The following C5orf34 variants were observed in gnomAD, a reference collection of about 807,000 sequenced individuals.
C5orf34 encodes chromosome 5 open reading frame 34, also known as uncharacterized protein C5orf34.
C5orf34 carries 73 observed loss-of-function variants against 78.4 expected under a neutral mutation model. The ratio of observed to expected loss-of-function variants is 0.93; its 90% CI spans 0.77 to 1.13. The LOEUF is 1.13. C5orf34 is among the 50% of genes most tolerant of loss of function. The probability of loss-of-function intolerance (pLI) is 0.00; values close to 1 mark genes in which losing one functional copy is unlikely to be tolerated. For missense variants in C5orf34, 730 were observed against 732.7 expected, an observed-to-expected ratio of 1.00 and a Z score of 0.04; for synonymous variants, 251 against 246.6, an observed-to-expected ratio of 1.02 and a Z score of -0.17.
intron 2 of C5orf34, 139 bp from the exon 3 acceptor site, chr5:43,508,805 T>C (rs937038516): frequency 1.5e-6 from 1 of 660,254 alleles, no homozygotes; most frequent in Non-Finnish European, 2.6e-6. Flanking sequence ...ATTCAAAGAG[T>C]AGTTTTGGCC....
chr5:43,487,978 C>A (rs770731486), intron 11 of C5orf34, 29 bp from the exon 12 acceptor site: 1 of 1,573,642 alleles, frequency 6.4e-7, no homozygotes, highest in Admixed American at 1.8e-5. Context: ...AAAATTCATT[C>A]AGTTGTCTGA....
intron 4 of C5orf34, 52 bp from the exon 5 acceptor site, chr5:43,503,812 CT>C: frequency 8.4e-7 from 1 of 1,191,944 alleles, no homozygotes; most frequent in Non-Finnish European, 1.2e-6. Flanking sequence ...ATATAATTGT[CT>C]TTAGAAGTCA....
At position 43,486,878 on chromosome 5, in the gene C5orf34, C is replaced by T. The variant is rs147780634; in HGVS notation, c.*37G>A. On this transcript the variant is annotated 3_prime_UTR_variant, in exon 13 of 13. Coordinates refer to ENST00000306862, the MANE Select transcript of C5orf34 (RefSeq NM_198566.4). ...TATACCAGTCACTTGAAACAACATCCTTAAACTTTAATAATATGTTGTAAT... is the reference window on the plus strand; with the variant it reads ...TATACCAGTCACTTGAAACAACATCTTTAAACTTTAATAATATGTTGTAAT... 299 of 1,317,466 alleles carry T rather than the reference C, an allele frequency of 2.3e-4. No homozygotes were observed. In the East Asian group the frequency reaches 6.6e-3, roughly 29 times the overall value. 81.6% of individuals were successfully genotyped at this position (1,317,466 alleles called of 1,614,324 possible). A position where few individuals can be genotyped will look rare whatever the true frequency, so the allele number is the denominator to read the frequency against.
intron 6 of C5orf34, chr5:43,496,332 T>A (rs1379818333): frequency 1.2e-5 from 19 of 1,588,484 alleles, no homozygotes; most frequent in South Asian, 6.6e-5. Flanking sequence ...CCTTCTCAAA[T>A]TTTTCAATGG....
intron 6 of C5orf34, among the ~76,000 whole-genome samples, chr5:43,496,843 T>G (rs550149031): frequency 6.6e-6 from 1 of 152,232 alleles, no homozygotes; most frequent in Non-Finnish European, 1.5e-5. Flanking sequence ...GTGCTGAGAT[T>G]ACAGGCATGA....
At position 43,486,857 on chromosome 5, in the gene C5orf34, C is replaced by G; in HGVS notation, c.*58G>C. 2 of 1,068,346 alleles carry G rather than the reference C, an allele frequency of 1.9e-6. No individual in the cohort carries two copies. Among genetic ancestry groups the G allele is most frequent in the Non-Finnish European group, 2.6e-6 (2 of 773,996 alleles). 66.2% of individuals were successfully genotyped at this position (1,068,346 alleles called of 1,614,324 possible). A position where few individuals can be genotyped will look rare whatever the true frequency, so the allele number is the denominator to read the frequency against. On this transcript the variant is annotated 3_prime_UTR_variant, in exon 13 of 13. Coordinates refer to ENST00000306862, the MANE Select transcript of C5orf34 (RefSeq NM_198566.4). ...ATCTTGGCTTACTAGTAATTTTATACCAGTCACTTGAAACAACATCCTTAA... is the reference window on the plus strand; with the variant it reads ...ATCTTGGCTTACTAGTAATTTTATAGCAGTCACTTGAAACAACATCCTTAA...
At position 43,505,915 on chromosome 5, in the gene C5orf34, C is replaced by CA; in HGVS notation, c.764dup (p.Leu255PhefsTer9). 1 of 1,614,062 alleles carries CA rather than the reference C, an allele frequency of 6.2e-7. No individual in the cohort carries two copies. The highest frequency in any genetic ancestry group is 8.5e-7 in the Non-Finnish European group (1 of 1,179,928). The stretch of plus-strand genomic sequence containing the variant: ...TATTATGAAAATGAAGTGCTAAAGA[C>CA]AAAGGATATTTCCATTCCTCTGGAC... On this transcript the variant is annotated frameshift_variant, in exon 4 of 13. Transcript: ENST00000306862. LOFTEE classifies it high-confidence loss of function.
rs781642503 is a variant in C5orf34 at position 43,487,908 on chromosome 5, C to T, written c.1720+1G>A. 1 of 1,602,016 alleles carries T rather than the reference C, an allele frequency of 6.2e-7. No homozygotes were observed. Among genetic ancestry groups the T allele is most frequent in the Non-Finnish European group, 8.5e-7 (1 of 1,171,552 alleles). On this transcript the variant is annotated splice_donor_variant, in intron 12 of 12. Transcript: ENST00000306862. LOFTEE classifies it high-confidence loss of function. ...GACAGTGCATTCTGTTTAAAGGATA[C>T]AGTTAAACTTCTGTATCTTTTCAAG...
chr5:43,500,194 T>C (rs1256603065), intron 6 of C5orf34, among the ~76,000 whole-genome samples: 2 of 152,252 alleles, frequency 1.3e-5, no homozygotes, highest in African/African-American at 2.4e-5. Flanking sequence ...ATTTCCCTGA[T>C]GCAAGTAGTA....
chr5:43,501,007 G>T (rs1428808378), intron 6 of C5orf34, among the ~76,000 whole-genome samples: 1 of 152,202 alleles, frequency 6.6e-6, no homozygotes, highest in Non-Finnish European at 1.5e-5. Context: ...TGCACACAAA[G>T]GTTGGAGAGT....
Position 43,492,766 on chromosome 5 carries a change from G to A in C5orf34, c.1439C>T (p.Thr480Ile), listed in dbSNP as rs1366278535. The A allele has an allele frequency of 1.9e-6, 3 of 1,613,224 alleles. No individual in the cohort carries two copies. Among genetic ancestry groups the A allele is most frequent in the Admixed American group, 3.3e-5 (2 of 59,964 alleles). ...KVHAIFLDGI[T>I]LTLNWNFSSP... ...GCTGAAATTCCAATTTAGGGTTAGAGTAATGCCATCTAAAAAGATAGCATG... is the reference window on the plus strand; with the variant it reads ...GCTGAAATTCCAATTTAGGGTTAGAATAATGCCATCTAAAAAGATAGCATG... Residue 480 changes from threonine (T) to isoleucine (I), a missense_variant, in exon 9 of 13, where the codon ACT becomes ATT. Transcript: ENST00000306862.
At chr5:43,488,558 G>C (rs980431763) in intron 11 of C5orf34, 1 of 151,984 alleles carries the variant, frequency 6.6e-6, no homozygotes, top group South Asian at 2.1e-4. Context: ...GTTGAATTAC[G>C]TGTCAAAACA....
chr5:43,508,473 TCCC>T (rs1746086178), intron 3 of C5orf34, 101 bp downstream of exon 3: 1 of 667,750 alleles, frequency 1.5e-6, no homozygotes, highest in Non-Finnish European at 2.7e-6. Context: ...TAGCAATGTA[TCCC>T]CAGGTGTCCT....
rs766677856 is a variant in C5orf34, at chr5:43,506,127, T to A, written c.553A>T (p.Asn185Tyr). 7 of 1,614,224 alleles carry A rather than the reference T, an allele frequency of 4.3e-6. No individual in the cohort carries two copies. Among genetic ancestry groups the A allele is most frequent in the Non-Finnish European group, 5.9e-6 (7 of 1,180,042 alleles). ...EKTGKICIRG[N>Y]LPGQRLKNKE... is the part of the protein sequence containing the mutation. The stretch of plus-strand genomic sequence containing the variant: ...TTCTTCAGTCTCTGTCCTGGTAAAT[T>A]TCCACGTATACAGATTTTGCCAGTT... Residue 185 changes from asparagine to tyrosine, a missense_variant, in exon 4 of 13, where the codon AAT becomes TAT. Asn to Tyr is a moderately radical substitution (Grantham distance 143). Coordinates refer to ENST00000306862, the MANE Select transcript of C5orf34 (RefSeq NM_198566.4).
chr5:43,510,924 C>A, intron 1 of C5orf34: 1 of 195,118 alleles, frequency 5.1e-6, no homozygotes, highest in Non-Finnish European at 1.0e-5. Context: ...GTGAGGAGCC[C>A]CTCTGCCCGA....
chr5:43,490,881 T>G (rs1745253358), intron 10 of C5orf34, 152 bp from the exon 11 acceptor site: 1 of 481,140 alleles, frequency 2.1e-6, no homozygotes. Context: ...CAAAATATTT[T>G]TCACTGGTCA....
intron 4 of C5orf34, among the ~76,000 whole-genome samples, chr5:43,505,101 A>G (rs190671599): frequency 3.9e-5 from 6 of 152,364 alleles, no homozygotes; most frequent in African/African-American, 1.2e-4. Context: ...TACCTGGCAC[A>G]TAAGTGTTTT....
chr5:43,514,724 A>C (rs1428088446), intron 1 of C5orf34, 82 bp downstream of exon 1: 1 of 152,198 alleles, frequency 6.6e-6, no homozygotes, highest in African/African-American at 2.4e-5. Flanking sequence ...CATGAATGAG[A>C]ATCTCATTTC....
chr5:43,494,580 CT>C lies in C5orf34; in HGVS notation c.1173del (p.Val392Ter). 1 of 1,601,040 alleles carries C rather than the reference CT, an allele frequency of 6.2e-7. No individual in the cohort carries two copies. The highest frequency in any genetic ancestry group is 8.5e-7 in the Non-Finnish European group (1 of 1,171,640). On this transcript the variant is annotated frameshift_variant, in exon 7 of 13. Transcript: ENST00000306862. LOFTEE classifies it high-confidence loss of function. ...GSGKREEKTYSVNNLPPDRPG... is the reference protein window; with the variant it reads ...GSGKREEKTYXVNNLPPDRPG... The stretch of plus-strand genomic sequence containing the variant: ...GGTCTATCTGGAGGAAGGTTATTTA[CT>C]GAGTAAGTTTTCTCTTCTCTCTGAA...
Sources: allele counts gnomAD v4.1 joint callset (sites outside exome capture counted in the v4.1 genomes callset), GRCh38; gene constraint gnomAD v4.1.1; transcripts MANE v1.5; gene names NCBI Gene and HGNC (gene_info 2026-07-23, HGNC 2026-07-21).